The following KCNIP1 variants were observed in gnomAD, a reference collection of about 807,000 sequenced individuals.
The protein encoded by KCNIP1 is potassium voltage-gated channel interacting protein 1, also known as A-type potassium channel modulatory protein KCNIP1.
In KCNIP1, 18 loss-of-function variants were observed where a neutral mutation model predicts 33.0. That is an observed-to-expected ratio of 0.55 (90% confidence interval 0.38 to 0.81). The LOEUF (loss-of-function observed/expected upper bound fraction) is 0.81. Ranked by LOEUF, KCNIP1 falls within the 30% of genes least tolerant of loss-of-function variation. KCNIP1 has a pLI of 0.00. For missense variants in KCNIP1, 238 were observed against 271.6 expected, an observed-to-expected ratio of 0.88 and a Z score of 0.87; for synonymous variants, 93 against 98.3, an observed-to-expected ratio of 0.95 and a Z score of 0.32.
At chr5:170,360,496 A>T (rs1427598466) in intron 1 of KCNIP1, among the ~76,000 whole-genome samples, 1 of 152,190 alleles carries the variant, frequency 6.6e-6, no homozygotes, top group Non-Finnish European at 1.5e-5. Flanking sequence ...CAAGCTGCTC[A>T]GTAAAAGTCA....
chr5:170,401,569 G>C (rs1475398230), intron 1 of KCNIP1, among the ~76,000 whole-genome samples: 5 of 152,084 alleles, frequency 3.3e-5, no homozygotes, highest in Non-Finnish European at 7.4e-5. Flanking sequence ...TTCTAGACCA[G>C]CCTGGGCAAC....
chr5:170,374,078 G>T (rs773593177), intron 1 of KCNIP1, among the ~76,000 whole-genome samples: 3 of 152,240 alleles, frequency 2.0e-5, no homozygotes, highest in Non-Finnish European at 4.4e-5. Context: ...ATAACAGCCT[G>T]TGCTGCCAAT....
chr5:170,708,344 A>C (rs749670074), intron 1 of KCNIP1, among the ~76,000 whole-genome samples: 1 of 152,240 alleles, frequency 6.6e-6, no homozygotes, highest in Non-Finnish European at 1.5e-5. Flanking sequence ...AATGTAGTCA[A>C]TATAGTTCAG....
chr5:170,655,483 A>G (rs1761223689), intron 1 of KCNIP1, among the ~76,000 whole-genome samples: 1 of 152,180 alleles, frequency 6.6e-6, no homozygotes, highest in African/African-American at 2.4e-5. Flanking sequence ...CCAAGACCAA[A>G]GAGTTTATGA....
At chr5:170,611,578 T>C (rs1759155385) in intron 1 of KCNIP1, among the ~76,000 whole-genome samples, 1 of 152,164 alleles carries the variant, frequency 6.6e-6, no homozygotes, top group South Asian at 2.1e-4. Flanking sequence ...ACAGCATGTG[T>C]CTCTCTAGCC....
Position 170,736,125 on chromosome 5 carries a change from A to G in KCNIP1, c.*319A>G. The G allele has an allele frequency of 3.4e-6, 1 of 291,100 alleles. No homozygotes were observed. The highest frequency in any genetic ancestry group is 6.4e-6 in the Non-Finnish European group (1 of 155,746). 18.0% of individuals were successfully genotyped at this position (291,100 alleles called of 1,614,324 possible). On this transcript the variant is annotated 3_prime_UTR_variant, in exon 8 of 8. Transcript: ENST00000328939. ...TTAAGCTTAAACAGTAGTGCACAAA[A>G]TATGCTGCTTACGTGCCCCCAGCCC...
intron 1 of KCNIP1, among the ~76,000 whole-genome samples, chr5:170,421,159 T>C (rs769031548): frequency 7.9e-5 from 12 of 152,194 alleles, no homozygotes; most frequent in Non-Finnish European, 1.3e-4. Flanking sequence ...AGAGAAGATG[T>C]ACAGCCATGG....
intron 1 of KCNIP1, among the ~76,000 whole-genome samples, chr5:170,488,623 A>T (rs1757144198): frequency 6.6e-6 from 1 of 152,214 alleles, no homozygotes; most frequent in African/African-American, 2.4e-5. Context: ...GGGTGTTCAG[A>T]GCTCCGAGAA....
At chr5:170,726,841 G>T (rs746677494) in intron 5 of KCNIP1, among the ~76,000 whole-genome samples, 1 of 151,420 alleles carries the variant, frequency 6.6e-6, no homozygotes, top group African/African-American at 2.4e-5. Flanking sequence ...ACCCTGGGGA[G>T]TGGAGGTTGC....
chr5:170,668,290 ATGGGCAAGAATCAT>A (rs1368181905), intron 1 of KCNIP1, among the ~76,000 whole-genome samples: 1 of 152,216 alleles, frequency 6.6e-6, no homozygotes, highest in Non-Finnish European at 1.5e-5. Flanking sequence ...AAGCTAATCT[ATGGGCAAGAATCAT>A]TTTCTTCAGC....
chr5:170,546,308 G>A (rs1007246901), intron 1 of KCNIP1, among the ~76,000 whole-genome samples: 5 of 152,202 alleles, frequency 3.3e-5, no homozygotes, highest in African/African-American at 1.2e-4. Context: ...TGTCTCCTAA[G>A]TCCCGTGAGT....
chr5:170,499,879 T>C (rs1479625448), upstream of KCNIP1, among the ~76,000 whole-genome samples: 2 of 152,154 alleles, frequency 1.3e-5, no homozygotes, highest in African/African-American at 4.8e-5. Flanking sequence ...AGGGGTTGCC[T>C]AAGGAGTCCT....
chr5:170,554,597 G>A (rs752345386), intron 1 of KCNIP1, among the ~76,000 whole-genome samples: 4 of 152,290 alleles, frequency 2.6e-5, no homozygotes, highest in East Asian at 1.9e-4. Flanking sequence ...GGGCTGAGCC[G>A]CCCTTCCCCA....
intron 1 of KCNIP1, among the ~76,000 whole-genome samples, chr5:170,497,140 G>A (rs976083242): frequency 1.3e-5 from 2 of 152,152 alleles, no homozygotes; most frequent in East Asian, 1.9e-4. Context: ...TGAACAGGAG[G>A]CACTCACTTG....
chr5:170,514,812 G>A (rs559126083), intron 1 of KCNIP1, among the ~76,000 whole-genome samples: 8 of 152,352 alleles, frequency 5.3e-5, no homozygotes, highest in South Asian at 2.1e-4. Context: ...GCATGCCAAG[G>A]ACTGTGCAAG....
At chr5:170,657,251 CT>C in intron 1 of KCNIP1, among the ~76,000 whole-genome samples, 1 of 152,264 alleles carries the variant, frequency 6.6e-6, no homozygotes, top group Admixed American at 6.5e-5. Flanking sequence ...GCACCTCGAT[CT>C]CCCAAAGTCC....
chr5:170,413,682 C>A (rs572429387), intron 1 of KCNIP1, among the ~76,000 whole-genome samples: 1 of 152,086 alleles, frequency 6.6e-6, no homozygotes, highest in East Asian at 1.9e-4. Context: ...AAAATGGTCT[C>A]CTGACTGCGT....
intron 1 of KCNIP1, among the ~76,000 whole-genome samples, chr5:170,364,454 GA>G (rs1373254739): frequency 6.6e-6 from 1 of 152,190 alleles, no homozygotes; most frequent in Non-Finnish European, 1.5e-5. Context: ...AATAAAAAAT[GA>G]ATCATATACG....
chr5:170,495,278 T>C (rs1033861511), intron 1 of KCNIP1, among the ~76,000 whole-genome samples: 1 of 152,170 alleles, frequency 6.6e-6, no homozygotes, highest in African/African-American at 2.4e-5. Context: ...CACTGTGCCA[T>C]TCAGGTCGCA....
Sources: gnomAD v4.1 joint callset for allele counts (sites outside exome capture counted in the v4.1 genomes callset) on GRCh38, gnomAD v4.1.1 for gene constraint, MANE v1.5 for transcripts, NCBI Gene and HGNC (gene_info 2026-07-23, HGNC 2026-07-21) for gene names.